Variants in STXBP5L observed in about 807,000 individuals in gnomAD.
STXBP5L encodes the protein syntaxin-binding protein 5-like.
In STXBP5L, 65 loss-of-function variants were observed where a neutral mutation model predicts 144.5. The ratio of observed to expected loss-of-function variants is 0.45; its 90% CI spans 0.37 to 0.55. The LOEUF is 0.55. Among genes scored for constraint, STXBP5L ranks in the 20% least tolerant of loss-of-function variants. The probability of loss-of-function intolerance (pLI) is 0.00; values close to 1 mark genes in which losing one functional copy is unlikely to be tolerated. For missense variants in STXBP5L, 1,298 were observed against 1,405.5 expected (o/e 0.92, Z 1.22); for synonymous variants, 505 against 469.6 (o/e 1.08, Z -0.97).
intron 4 of STXBP5L, among the ~76,000 whole-genome samples, chr3:121,044,476 A>G (rs140023403): frequency 1.1e-3 from 166 of 152,302 alleles, no homozygotes; most frequent in Middle Eastern, 3.4e-3. Flanking sequence ...ACTGTAAACT[A>G]TGAGAGATTA....
chr3:121,070,685 G>A (rs1164215548), intron 5 of STXBP5L, among the ~76,000 whole-genome samples: 1 of 151,908 alleles, frequency 6.6e-6, no homozygotes, highest in African/African-American at 2.4e-5. Flanking sequence ...CCCACGACCC[G>A]AATAATGGCT....
intron 19 of STXBP5L, among the ~76,000 whole-genome samples, chr3:121,307,920 A>G (rs555803183): frequency 6.6e-6 from 1 of 152,324 alleles, no homozygotes; most frequent in Admixed American, 6.5e-5. Context: ...AAACAAAAAG[A>G]AAATCTTGAA....
intron 19 of STXBP5L, among the ~76,000 whole-genome samples, chr3:121,313,638 G>T (rs1210612485): frequency 7.3e-4 from 62 of 84,914 alleles, no homozygotes; most frequent in South Asian, 1.2e-3. Flanking sequence ...CGGACGGGGC[G>T]GCTGGCCGGG....
At chr3:121,053,372 T>C (rs956326149) in intron 5 of STXBP5L, among the ~76,000 whole-genome samples, 3 of 152,256 alleles carry the variant, frequency 2.0e-5, no homozygotes, top group African/African-American at 4.8e-5. Flanking sequence ...CAAAACAGCA[T>C]GGTACTGGTA....
chr3:121,042,407 C>A (rs1189136418), intron 4 of STXBP5L, among the ~76,000 whole-genome samples: 1 of 152,148 alleles, frequency 6.6e-6, no homozygotes, highest in Non-Finnish European at 1.5e-5. Context: ...TTTAGGCTTT[C>A]TTAAATCAGA....
intron 3 of STXBP5L, among the ~76,000 whole-genome samples, chr3:121,037,192 G>A (rs193300112): frequency 4.6e-5 from 7 of 150,738 alleles, no homozygotes; most frequent in South Asian, 2.1e-4. Flanking sequence ...TTTGGCTTCC[G>A]AAAGTATTGG....
intron 22 of STXBP5L, among the ~76,000 whole-genome samples, chr3:121,393,865 A>G (rs1235506081): frequency 6.6e-6 from 1 of 151,978 alleles, no homozygotes; most frequent in Non-Finnish European, 1.5e-5. Context: ...GCAATGTGAT[A>G]CCTGCAGCTT....
intron 11 of STXBP5L, among the ~76,000 whole-genome samples, chr3:121,224,215 T>G (rs1017212795): frequency 6.6e-6 from 1 of 152,144 alleles, no homozygotes; most frequent in Non-Finnish European, 1.5e-5. Flanking sequence ...TAATATGGTC[T>G]CCACATGACT....
At chr3:120,994,997 T>C (rs1461256282) in intron 3 of STXBP5L, among the ~76,000 whole-genome samples, 2 of 152,092 alleles carry the variant, frequency 1.3e-5, no homozygotes, top group African/African-American at 4.8e-5. Flanking sequence ...CCAGGTTCAA[T>C]TTTGGGAGGT....
At chr3:121,118,455 G>A (rs1408392329) in intron 6 of STXBP5L, among the ~76,000 whole-genome samples, 4 of 151,684 alleles carry the variant, frequency 2.6e-5, no homozygotes, top group Non-Finnish European at 5.9e-5. Context: ...AAGTACTGCA[G>A]TTTATAGTTT....
chr3:121,160,917 T>C (rs1439326708), intron 9 of STXBP5L, among the ~76,000 whole-genome samples: 1 of 152,196 alleles, frequency 6.6e-6, no homozygotes, highest in African/African-American at 2.4e-5. Flanking sequence ...ATTCAAAGCC[T>C]ATTAGAGCTA....
At chr3:121,406,467 T>C (rs1270845092) in intron 22 of STXBP5L, among the ~76,000 whole-genome samples, 1 of 152,056 alleles carries the variant, frequency 6.6e-6, no homozygotes, top group African/African-American at 2.4e-5. Flanking sequence ...TTAGGGAAGA[T>C]TCTGGAAATA....
chr3:121,211,753 A>G (rs187543827), intron 10 of STXBP5L, among the ~76,000 whole-genome samples: 44 of 151,268 alleles, frequency 2.9e-4, no homozygotes, highest in African/African-American at 1.0e-3. Flanking sequence ...TAATTTTTGT[A>G]TTTACTTTAG....
At chr3:121,375,684 T>C (rs898351331) in intron 20 of STXBP5L, among the ~76,000 whole-genome samples, 4 of 152,218 alleles carry the variant, frequency 2.6e-5, no homozygotes, top group African/African-American at 9.6e-5. Context: ...CCCATTTAAA[T>C]GGTGAAAACT....
At chr3:121,161,228 G>C (rs547629736) in intron 9 of STXBP5L, among the ~76,000 whole-genome samples, 2 of 142,534 alleles carry the variant, frequency 1.4e-5, no homozygotes, top group East Asian at 4.0e-4. Context: ...GTTTTGTTTT[G>C]TTTTGCTTTT....
chr3:121,012,391 T>C (rs1944841054), intron 3 of STXBP5L, among the ~76,000 whole-genome samples: 2 of 151,868 alleles, frequency 1.3e-5, no homozygotes, highest in South Asian at 4.1e-4. Flanking sequence ...GCTGCTATTA[T>C]TGAATTCCAA....
intron 20 of STXBP5L, among the ~76,000 whole-genome samples, chr3:121,332,582 A>T (rs1223593633): frequency 1.3e-5 from 2 of 152,044 alleles, no homozygotes; most frequent in African/African-American, 2.4e-5. Flanking sequence ...AAATAAGTTT[A>T]AAAAAATGAA....
intron 20 of STXBP5L, among the ~76,000 whole-genome samples, chr3:121,347,590 G>A (rs1346270488): frequency 2.0e-5 from 3 of 152,156 alleles, no homozygotes; most frequent in African/African-American, 7.2e-5. Flanking sequence ...CTACCCATGA[G>A]CATGGAATGT....
intron 5 of STXBP5L, among the ~76,000 whole-genome samples, chr3:121,100,286 A>C (rs538155174): frequency 6.6e-6 from 1 of 152,114 alleles, no homozygotes; most frequent in Admixed American, 6.6e-5. Flanking sequence ...CCCATCAACT[A>C]TAGGATACTC....
Sources: gnomAD v4.1 joint callset for allele counts (sites outside exome capture counted in the v4.1 genomes callset) on GRCh38, gnomAD v4.1.1 for gene constraint, MANE v1.5 for transcripts, NCBI Gene and HGNC (gene_info 2026-07-23, HGNC 2026-07-21) for gene names.